The following FKBP15 variants were observed in gnomAD, a reference collection of about 807,000 sequenced individuals.
FKBP15 encodes the protein FK506-binding protein 15.
FKBP15 carries 106 observed loss-of-function variants against 158.1 expected under a neutral mutation model. The ratio of observed to expected loss-of-function variants is 0.67; its 90% CI spans 0.57 to 0.79. FKBP15 has a LOEUF of 0.79. Ranked by LOEUF, FKBP15 falls within the 30% of genes least tolerant of loss-of-function variation. The pLI, the probability that FKBP15 is intolerant of heterozygous loss-of-function variation, is 0.00. For missense variants in FKBP15, 1,287 were observed against 1,479.1 expected, an observed-to-expected ratio of 0.87 and a Z score of 2.13; for synonymous variants, 547 against 548.6, an observed-to-expected ratio of 1.00 and a Z score of 0.04.
rs935023194 is a variant in FKBP15, at chr9:113,217,037, G to A, written c.53+4154C>T. Reference sequence around the variant, plus strand: ...TCCTGCCTCAGCCTCCTGAGCACCCGAGATTACAGGTGCCCGCCACCAGGC... The same window carrying A: ...TCCTGCCTCAGCCTCCTGAGCACCCAAGATTACAGGTGCCCGCCACCAGGC... On this transcript the variant is annotated intron_variant, in intron 1 of 27. Transcript: ENST00000238256. Among the ~76,000 whole-genome samples the A allele has an allele frequency of 9.3e-5, 14 of 150,604 alleles. No homozygotes were observed. In the East Asian group the frequency reaches 1.8e-3, roughly 19 times the overall value.
chr9:113,186,333 G>C lies in FKBP15; in HGVS notation c.1414C>G (p.Pro472Ala). ...TGGGAGGTGACGGCAGATGCCTGGG[G>C]ATAAGCGTAGGCTTGCATACCTGCA... ...PYAGMQAYAY[P>A]QASAVTSQLQ... The change falls in exon 15 of 28, where the codon CCC becomes GCC. Residue 472 changes from proline (P) to alanine (A), a missense_variant. By Grantham distance (27) the Pro-to-Ala change is conservative (BLOSUM62 -1). Coordinates refer to ENST00000238256, the MANE Select transcript of FKBP15 (RefSeq NM_015258.2). 6.4e-7 allele frequency: 1 copy of C among 1,567,180 alleles called. No individual in the cohort carries two copies. Among genetic ancestry groups the C allele is most frequent in the Non-Finnish European group, 8.7e-7 (1 of 1,155,204 alleles).
chr9:113,166,463 T>A (rs554790704), intron 27 of FKBP15, among the ~76,000 whole-genome samples: 5 of 152,234 alleles, frequency 3.3e-5, no homozygotes, highest in Admixed American at 1.3e-4. Context: ...TTACACATTT[T>A]GTGTGGAGAA....
At chr9:113,190,342 A>C in intron 12 of FKBP15, 129 bp downstream of exon 12, 1 of 748,882 alleles carries the variant, frequency 1.3e-6, no homozygotes, top group South Asian at 1.8e-5. Context: ...ACCAATCTGT[A>C]TCATTTTGCA....
At chr9:113,166,278 C>T in intron 27 of FKBP15, 123 bp from the exon 28 acceptor site, 2 of 835,834 alleles carry the variant, frequency 2.4e-6, no homozygotes, top group Non-Finnish European at 3.8e-6. Context: ...GTTGTACTGA[C>T]AGGGCCAACT....
chr9:113,185,026 T>A (rs1048459190), intron 15 of FKBP15, among the ~76,000 whole-genome samples: 2 of 152,216 alleles, frequency 1.3e-5, no homozygotes, highest in Non-Finnish European at 2.9e-5. Context: ...GCAAAATGCA[T>A]CAAGGGCTAC....
In FKBP15 at chr9:113,183,734, C is replaced by A. The variant is rs1830440092; in HGVS notation, c.1811+17G>T. ...ACCCTTTTGTCCATCCTAGCCAGGC[C>A]CCGTACCTGTCATTACCTCTGATTT... On this transcript the variant is annotated intron_variant, in intron 18 of 27. Coordinates refer to ENST00000238256, the MANE Select transcript of FKBP15 (RefSeq NM_015258.2). The A allele has an allele frequency of 1.3e-6, 2 of 1,572,962 alleles. No individual in the cohort carries two copies. Among genetic ancestry groups the A allele is most frequent in the Admixed American group, 1.7e-5 (1 of 59,818 alleles).
At position 113,184,671 on chromosome 9, in the gene FKBP15, T is replaced by G. The variant is rs1314437001; in HGVS notation, c.1608+24A>C. Reference sequence around the variant, plus strand: ...CCTGTTTACATCCCCACTTTCAACATCACCCCAACTCTGACTCAGTCACCT... The same window carrying G: ...CCTGTTTACATCCCCACTTTCAACAGCACCCCAACTCTGACTCAGTCACCT... On this transcript the variant is annotated intron_variant, in intron 16 of 27. Coordinates refer to ENST00000238256, the MANE Select transcript of FKBP15 (RefSeq NM_015258.2). The surrounding 1 kb of genome is among the most constrained non-coding windows in gnomAD (Gnocchi z 4.5). The G allele has an allele frequency of 6.4e-7, 1 of 1,565,080 alleles. No homozygotes were observed. The highest frequency in any genetic ancestry group is 8.7e-7 in the Non-Finnish European group (1 of 1,147,670).
intron 6 of FKBP15, among the ~76,000 whole-genome samples, chr9:113,201,695 A>T (rs1383784158): frequency 6.6e-6 from 1 of 152,236 alleles, no homozygotes; most frequent in Non-Finnish European, 1.5e-5. Flanking sequence ...CTGATCTCAG[A>T]CTTTCAGCCT....
chr9:113,198,978 A>G lies in FKBP15; in HGVS notation c.649-55T>C. 1.7e-6 allele frequency: 2 copies of G among 1,199,172 alleles called. No individual in the cohort carries two copies. Among genetic ancestry groups the G allele is most frequent in the South Asian group, 2.6e-5 (2 of 76,986 alleles). The allele number at this position is 1,199,172 out of a possible 1,614,324, so 74.3% of individuals were successfully genotyped here. A position where few individuals can be genotyped will look rare whatever the true frequency, so the allele number is the denominator to read the frequency against. ...GCCAATTTCAAAAATAATAATAACCATTATGATATTCAACTAACTACATAC... is the reference window on the plus strand; with the variant it reads ...GCCAATTTCAAAAATAATAATAACCGTTATGATATTCAACTAACTACATAC... On this transcript the variant is annotated intron_variant, in intron 7 of 27. Transcript: ENST00000238256. The surrounding 1 kb of genome is among the most constrained non-coding windows in gnomAD (Gnocchi z 5.2).
chr9:113,218,412 T>TAC (rs1491049648), intron 1 of FKBP15, among the ~76,000 whole-genome samples: 33 of 135,450 alleles, frequency 2.4e-4, no homozygotes, highest in Non-Finnish European at 4.3e-4. Flanking sequence ...TATATATATA[T>TAC]ACATTTCTCA....
At chr9:113,209,210 G>A (rs544219619) in intron 2 of FKBP15, among the ~76,000 whole-genome samples, 6 of 152,176 alleles carry the variant, frequency 3.9e-5, no homozygotes, top group South Asian at 4.2e-4. Flanking sequence ...GTTCAAGGCC[G>A]TAGTGCACTG....
rs112547187 is a variant in FKBP15, at chr9:113,190,428, C to A, written c.1173+43G>T. 15 of 1,424,704 alleles carry A rather than the reference C, an allele frequency of 1.1e-5. No individual in the cohort carries two copies. The African/African-American group carries it at 2.0e-4, about 19-fold the overall frequency. The allele number at this position is 1,424,704 out of a possible 1,614,324, so 88.3% of individuals were successfully genotyped here. ...AACCAAATGAAAAGAAAGATGATGG[C>A]GACATCTGTACTATTCATTCTAATA... On this transcript the variant is annotated intron_variant, in intron 12 of 27. Coordinates refer to ENST00000238256, the MANE Select transcript of FKBP15 (RefSeq NM_015258.2).
intron 1 of FKBP15, among the ~76,000 whole-genome samples, chr9:113,217,006 C>G (rs138482040): frequency 0.011 from 1,650 of 149,328 alleles, 35 homozygotes; most frequent in African/African-American, 0.038. Context: ...AGGCTTCAAG[C>G]GATTCTCCTG....
At chr9:113,201,042 C>CAAAA (rs11339384) in intron 6 of FKBP15, among the ~76,000 whole-genome samples, 1 of 96,290 alleles carries the variant, frequency 1.0e-5, no homozygotes, top group African/African-American at 4.1e-5. Flanking sequence ...GACTCTGTCT[C>CAAAA]AAAAAAAAAA....
At position 113,173,603 on chromosome 9, in the gene FKBP15, C is replaced by T; in HGVS notation, c.2382G>A (p.Leu794=). ...TCTGTAGCTCAGCCTGTACTAAAGA[C>T]AGCTGCCAAGAGAAAGTAATGACCA... ...VSTDQAAAEQ[L]SLVQAELQTQ... The change falls in exon 23 of 28, where the codon CTG becomes CTA. Residue 794 remains leucine (L), a splice_region_variant and synonymous_variant. Coordinates refer to ENST00000238256, the MANE Select transcript of FKBP15 (RefSeq NM_015258.2). The T allele has an allele frequency of 1.2e-6, 2 of 1,613,316 alleles. No individual in the cohort carries two copies. The highest frequency in any genetic ancestry group is 1.7e-6 in the Non-Finnish European group (2 of 1,179,482).
At chr9:113,170,796 T>C (rs183358944) in intron 24 of FKBP15, among the ~76,000 whole-genome samples, 167 bp from the exon 25 acceptor site, 2 of 152,326 alleles carry the variant, frequency 1.3e-5, no homozygotes, top group East Asian at 3.9e-4. Context: ...GAGAGGATGA[T>C]ATTAAATAAT....
chr9:113,180,289 A>C, intron 19 of FKBP15, among the ~76,000 whole-genome samples: 1 of 148,628 alleles, frequency 6.7e-6, no homozygotes, highest in South Asian at 2.1e-4. Flanking sequence ...GGAATGGATA[A>C]GATATTAATA....
At chr9:113,214,641 A>G (rs1831081690) in intron 1 of FKBP15, among the ~76,000 whole-genome samples, 1 of 152,226 alleles carries the variant, frequency 6.6e-6, no homozygotes, top group South Asian at 2.1e-4. Flanking sequence ...TTAAGTCACC[A>G]GCTGCATTAT....
At chr9:113,207,347 A>ATTTTTTTTTTTT in intron 2 of FKBP15, 51 bp from the exon 3 acceptor site, 2 of 1,407,310 alleles carry the variant, frequency 1.4e-6, no homozygotes, top group Admixed American at 1.8e-5. Context: ...GCTTTAAACT[A>ATTTTTTTTTTTT]ATTTTTTTTA....
Sources: gnomAD v4.1 joint callset for allele counts (sites outside exome capture counted in the v4.1 genomes callset) on GRCh38, gnomAD v4.1.1 for gene constraint, Gnocchi (gnomAD v3.1) non-coding constraint, MANE v1.5 for transcripts, NCBI Gene and HGNC (gene_info 2026-07-23, HGNC 2026-07-21) for gene names.